MGAT5: variants seen among roughly 807,000 people sequenced by gnomAD.
The protein encoded by MGAT5 is alpha-1,6-mannosylglycoprotein 6-beta-N-acetylglucosaminyltransferase, also known as alpha-1,6-mannosylglycoprotein 6-beta-N-acetylglucosaminyltransferase A.
In MGAT5, 30 loss-of-function variants were observed where a neutral mutation model predicts 94.3. The observed-to-expected ratio is 0.32, with a 90% CI of 0.24 to 0.43. The LOEUF is 0.43. Among genes scored for constraint, MGAT5 ranks in the 20% least tolerant of loss-of-function variants. The pLI, the probability that MGAT5 is intolerant of heterozygous loss-of-function variation, is 1.00. For synonymous variants in MGAT5, 310 were observed against 322.9 expected (o/e 0.96, Z 0.43); for missense variants, 691 against 905.5 (o/e 0.76, Z 3.04).
chr2:134,391,390 G>A (rs1005558880), intron 10 of MGAT5, among the ~76,000 whole-genome samples: 12 of 152,212 alleles, frequency 7.9e-5, no homozygotes, highest in Admixed American at 6.5e-4. Context: ...TTGGGCTGCT[G>A]TGATAAAGTA....
intron 12 of MGAT5, among the ~76,000 whole-genome samples, chr2:134,415,602 T>G (rs1683918826): frequency 6.6e-6 from 1 of 152,250 alleles, no homozygotes; most frequent in South Asian, 2.1e-4. Flanking sequence ...TTTCCTTTGC[T>G]GTGCAGAAGC....
intron 10 of MGAT5, among the ~76,000 whole-genome samples, chr2:134,367,597 A>C (rs1680515583): frequency 6.6e-6 from 1 of 152,236 alleles, no homozygotes; most frequent in Non-Finnish European, 1.5e-5. Context: ...GAATTATGCC[A>C]CGTCCCAAGT....
At chr2:134,257,553 G>A (rs1406647637) in intron 1 of MGAT5, among the ~76,000 whole-genome samples, 1 of 152,212 alleles carries the variant, frequency 6.6e-6, no homozygotes, top group African/African-American at 2.4e-5. Context: ...TGAAAGCCTA[G>A]TGTTCCCCCT....
In MGAT5 at chr2:134,344,339, A is replaced by G. The variant is rs1308675452; in HGVS notation, c.978-591A>G. The stretch of plus-strand genomic sequence containing the variant: ...GTCAAGCGAGGAGGAAAAATTTGAC[A>G]TAAGAGAAAAAGTTAAGGAACAGTA... On this transcript the variant is annotated intron_variant, in intron 7 of 15. Coordinates refer to ENST00000281923, the MANE Select transcript of MGAT5 (RefSeq NM_002410.5). 3.3e-5 allele frequency among the ~76,000 whole-genome samples: 5 copies of G among 152,308 alleles called. No individual in the cohort carries two copies. The East Asian group carries it at 9.7e-4, about 29-fold the overall frequency.
At chr2:134,165,456 T>G (rs537254440) in intron 1 of MGAT5, among the ~76,000 whole-genome samples, 1 of 152,252 alleles carries the variant, frequency 6.6e-6, no homozygotes, top group Admixed American at 6.5e-5. Context: ...GAAGATGGCA[T>G]GCTCATAGCA....
intron 10 of MGAT5, among the ~76,000 whole-genome samples, chr2:134,375,092 A>G (rs1351931909): frequency 6.6e-6 from 1 of 152,124 alleles, no homozygotes; most frequent in Non-Finnish European, 1.5e-5. Context: ...TCTGTTTTTG[A>G]TAGATTGAGC....
chr2:134,190,379 C>A (rs1337912530), intron 1 of MGAT5, among the ~76,000 whole-genome samples: 1 of 152,218 alleles, frequency 6.6e-6, no homozygotes, highest in Non-Finnish European at 1.5e-5. Context: ...TTTTCTCTTG[C>A]TACTGCAGAC....
chr2:134,358,562 G>A (rs146330384), intron 9 of MGAT5, among the ~76,000 whole-genome samples: 96 of 152,296 alleles, frequency 6.3e-4, no homozygotes, highest in African/African-American at 2.2e-3. Context: ...GGACTACACC[G>A]ACTGTGAGGG....
chr2:134,404,252 G>A (rs898832987), intron 11 of MGAT5, among the ~76,000 whole-genome samples: 1 of 152,142 alleles, frequency 6.6e-6, no homozygotes, highest in African/African-American at 2.4e-5. Context: ...TCTCTGGCTC[G>A]CTTTGTTTTC....
chr2:134,186,152 C>A lies in MGAT5; in HGVS notation c.-143+65861C>A, dbSNP rs138971964. ...GATTCCTCAATCCTGCCTGTCTCCC[C>A]AAATGGGAAAGAGCAGTTCAATGTG... On this transcript the variant is annotated intron_variant, in intron 1 of 16. Coordinates refer to the MGAT5 transcript ENST00000409645. Among the ~76,000 whole-genome samples, 19 of 152,356 alleles carry A rather than the reference C, an allele frequency of 1.2e-4. No individual in the cohort carries two copies. The East Asian group carries it at 3.7e-3, about 29-fold the overall frequency.
At chr2:134,373,779 GGA>G (rs921007424) in intron 10 of MGAT5, among the ~76,000 whole-genome samples, 5 of 152,192 alleles carry the variant, frequency 3.3e-5, no homozygotes, top group African/African-American at 1.2e-4. Flanking sequence ...GTCCAGGCAT[GGA>G]GAGACAGTCA....
At chr2:134,266,382 A>G (rs990685536) in intron 1 of MGAT5, among the ~76,000 whole-genome samples, 1 of 151,868 alleles carries the variant, frequency 6.6e-6, no homozygotes, top group Non-Finnish European at 1.5e-5. Context: ...CACCATGCCC[A>G]GCTATTTTTT....
intron 14 of MGAT5, among the ~76,000 whole-genome samples, chr2:134,439,315 A>G (rs370153327): frequency 1.5e-4 from 23 of 152,358 alleles, no homozygotes; most frequent in East Asian, 9.6e-4. Context: ...GGTAAAAGCA[A>G]GAGGCAGGAT....
At chr2:134,432,366 A>G (rs1205935136) in intron 14 of MGAT5, among the ~76,000 whole-genome samples, 1 of 152,234 alleles carries the variant, frequency 6.6e-6, no homozygotes, top group Non-Finnish European at 1.5e-5. Flanking sequence ...GTTAACTCCA[A>G]CAATGGCTGT....
At chr2:134,130,316 G>A (rs1686087152) in intron 1 of MGAT5, among the ~76,000 whole-genome samples, 1 of 143,990 alleles carries the variant, frequency 6.9e-6, no homozygotes, top group Non-Finnish European at 1.5e-5. Context: ...CTCCCCAGTA[G>A]CCCCAGCCTC....
chr2:134,300,146 G>A lies in MGAT5; in HGVS notation c.407-17383G>A, dbSNP rs902120395. Among the ~76,000 whole-genome samples the A allele has an allele frequency of 3.9e-5, 6 of 152,098 alleles. No individual in the cohort carries two copies. The East Asian group carries it at 1.2e-3, about 29-fold the overall frequency. On this transcript the variant is annotated intron_variant, in intron 2 of 15. Coordinates refer to ENST00000281923, the MANE Select transcript of MGAT5 (RefSeq NM_002410.5). ...AGAAGCAACCATTCTCTGACCCTTG[G>A]GTTTATTAGCACTGCATGATGCTGG...
rs1034893039 is a variant in MGAT5 at position 134,268,868 on chromosome 2, C to G, written c.242-1518C>G. Among the ~76,000 whole-genome samples, 1 of 152,166 alleles carries G rather than the reference C, an allele frequency of 6.6e-6. No individual in the cohort carries two copies. The highest frequency in any genetic ancestry group is 1.5e-5 in the Non-Finnish European group (1 of 68,026). On this transcript the variant is annotated intron_variant, in intron 1 of 15. Coordinates refer to ENST00000281923, the MANE Select transcript of MGAT5 (RefSeq NM_002410.5). The surrounding 1 kb of genome is among the most constrained non-coding windows in gnomAD (Gnocchi z 4.1). ...GGAACTCTGGCTCCAAAGTCAGGCC[C>G]TTAACCACTGTGTTATGGATGAAAG... is the stretch of plus-strand genomic sequence containing the variant.
intron 9 of MGAT5, among the ~76,000 whole-genome samples, chr2:134,356,288 T>G (rs1429118758): frequency 6.6e-6 from 1 of 152,110 alleles, no homozygotes; most frequent in African/African-American, 2.4e-5. Context: ...ACTTTCCCAT[T>G]TCACCTTCCA....
intron 2 of MGAT5, among the ~76,000 whole-genome samples, chr2:134,271,589 A>G (rs1039003149): frequency 6.6e-6 from 1 of 152,194 alleles, no homozygotes; most frequent in Non-Finnish European, 1.5e-5. Context: ...CCCACCTCCC[A>G]GCGTCAAAAC....
Sources: gnomAD v4.1 joint callset for allele counts (sites outside exome capture counted in the v4.1 genomes callset) on GRCh38, gnomAD v4.1.1 for gene constraint, Gnocchi (gnomAD v3.1) non-coding constraint, MANE v1.5 for transcripts, NCBI Gene and HGNC (gene_info 2026-07-23, HGNC 2026-07-21) for gene names.